The following PTPRN2 variants were observed in gnomAD, a reference collection of about 807,000 sequenced individuals.
PTPRN2 encodes the protein receptor-type tyrosine-protein phosphatase N2.
Under a neutral mutation model 118.8 loss-of-function variants are expected in PTPRN2, and 74 were observed. That is an observed-to-expected ratio of 0.62 (90% CI 0.52 to 0.76). The LOEUF (loss-of-function observed/expected upper bound fraction) is 0.76, where lower values mean the gene tolerates loss of function less well. Among genes scored for constraint, PTPRN2 ranks in the 30% least tolerant of loss-of-function variants. The pLI, the probability that PTPRN2 is intolerant of heterozygous loss-of-function variation, is 0.00. For missense variants in PTPRN2, 1,481 were observed against 1,394.4 expected, an observed-to-expected ratio of 1.06 and a Z score of -0.99; for synonymous variants, 641 against 608.0, an observed-to-expected ratio of 1.05 and a Z score of -0.80.
chr7:158,395,126 C>G (rs1169810623), intron 2 of PTPRN2, among the ~76,000 whole-genome samples: 1 of 152,046 alleles, frequency 6.6e-6, no homozygotes, highest in Non-Finnish European at 1.5e-5. Context: ...GCGTTTTCGC[C>G]TGGGTGGTCT....
At chr7:158,350,746 A>G (rs1807862013) in intron 2 of PTPRN2, among the ~76,000 whole-genome samples, 1 of 152,148 alleles carries the variant, frequency 6.6e-6, no homozygotes, top group South Asian at 2.1e-4. Context: ...CGGCCAGGCC[A>G]GTGCCTCGCC....
intron 2 of PTPRN2, among the ~76,000 whole-genome samples, chr7:158,377,038 C>T (rs970017388): frequency 1.6e-5 from 2 of 128,160 alleles, no homozygotes; most frequent in Non-Finnish European, 3.3e-5. Flanking sequence ...GGGGACTCCC[C>T]CACAGCCCTG....
At chr7:158,246,648 G>A (rs1430063510) in intron 3 of PTPRN2, among the ~76,000 whole-genome samples, 5 of 151,894 alleles carry the variant, frequency 3.3e-5, no homozygotes, top group Non-Finnish European at 7.4e-5. Context: ...TGCAGAAAGT[G>A]ACTGCAACCA....
intron 2 of PTPRN2, among the ~76,000 whole-genome samples, chr7:158,377,364 T>C (rs966867545): frequency 4.6e-5 from 7 of 152,214 alleles, no homozygotes; most frequent in African/African-American, 1.4e-4. Context: ...AAAATCTCCA[T>C]GTGTTATGGA....
chr7:157,987,725 G>A lies in PTPRN2; in HGVS notation c.1724-88988C>T, dbSNP rs1175933569. On this transcript the variant is annotated intron_variant, in intron 11 of 22. Transcript: ENST00000389418. The surrounding 1 kb of genome is among the most constrained non-coding windows in gnomAD (Gnocchi z 4.3). The stretch of plus-strand genomic sequence containing the variant: ...AGATGGGGCAGTTATTATGCAGTGT[G>A]GGATCCACAGTTACAGAGCGGATGG... Among the ~76,000 whole-genome samples the A allele has an allele frequency of 6.6e-6, 1 of 152,146 alleles. No homozygotes were observed. The highest frequency in any genetic ancestry group is 1.9e-4 in the East Asian group (1 of 5,196).
intron 12 of PTPRN2, among the ~76,000 whole-genome samples, chr7:157,683,422 G>A (rs1374088694): frequency 6.6e-6 from 1 of 152,172 alleles, no homozygotes; most frequent in African/African-American, 2.4e-5. Context: ...ACAAAGGAAC[G>A]TGGGACTGGC....
intron 1 of PTPRN2, among the ~76,000 whole-genome samples, chr7:158,507,314 T>C (rs987642185): frequency 5.3e-5 from 8 of 151,398 alleles, no homozygotes. Context: ...GTGAGGACCA[T>C]CCAGGGGATA....
rs1356419892 is a variant in PTPRN2 at position 157,610,656 on chromosome 7, G to T, written c.2345-6581C>A. On this transcript the variant is annotated intron_variant, in intron 15 of 22. Coordinates refer to ENST00000389418, the MANE Select transcript of PTPRN2 (RefSeq NM_002847.5). The surrounding 1 kb of genome is among the most constrained non-coding windows in gnomAD (Gnocchi z 5.1). ...AGGCCTTTGAACTTGTCATAGTTGA[G>T]GCAAAGGAATAAATGATCGGACCAC... 1.3e-5 allele frequency among the ~76,000 whole-genome samples: 2 copies of T among 152,202 alleles called. No individual in the cohort carries two copies. The highest frequency in any genetic ancestry group is 4.8e-5 in the African/African-American group (2 of 41,436).
At chr7:157,855,807 T>C (rs1383188447) in intron 12 of PTPRN2, 2 of 152,330 alleles carry the variant, frequency 1.3e-5, no homozygotes, top group Middle Eastern at 3.4e-3. Flanking sequence ...ACTAACGCCC[T>C]CTATGATTTA....
At chr7:158,127,391 C>A (rs573725309) in intron 9 of PTPRN2, among the ~76,000 whole-genome samples, 2 of 152,230 alleles carry the variant, frequency 1.3e-5, no homozygotes, top group East Asian at 3.9e-4. Flanking sequence ...CATCTCTCCA[C>A]AGTCCAGGAG....
At chr7:158,084,605 G>A (rs1431922630) in intron 10 of PTPRN2, among the ~76,000 whole-genome samples, 5 of 151,842 alleles carry the variant, frequency 3.3e-5, no homozygotes, top group Middle Eastern at 3.4e-3. Flanking sequence ...TACAGCTCTC[G>A]GGGAGAAAAC....
chr7:157,860,041 G>C (rs1409268888), intron 12 of PTPRN2, among the ~76,000 whole-genome samples: 1 of 152,226 alleles, frequency 6.6e-6, no homozygotes, highest in African/African-American at 2.4e-5. Flanking sequence ...CTCCTGCAGG[G>C]AGAGCCCCCA....
At chr7:157,978,526 TAAAGCTACAGCATTTGTGA>T (rs1802913188) in intron 11 of PTPRN2, among the ~76,000 whole-genome samples, 1 of 151,994 alleles carries the variant, frequency 6.6e-6, no homozygotes, top group Non-Finnish European at 1.5e-5. Flanking sequence ...CATTCACACC[TAAAGCTACAGCATTTGTGA>T]AAATAATGAA....
Position 157,817,823 on chromosome 7 carries a change from GGT to G in PTPRN2, c.1788+80848_1788+80849del, listed in dbSNP as rs924262752. The stretch of plus-strand genomic sequence containing the variant: ...CATGTCTGTGTATGTGTGCATGTTT[GGT>G]GTGTGTGTGTAGCGTATGTGTGTGG... On this transcript the variant is annotated intron_variant, in intron 12 of 22. Transcript: ENST00000389418. Among the ~76,000 whole-genome samples the G allele has an allele frequency of 1.2e-4, 19 of 152,132 alleles. 1 individual carries two copies. The highest frequency in any genetic ancestry group is 1.0e-3 in the Admixed American group (16 of 15,252).
chr7:158,379,466 A>G (rs1302983551), intron 2 of PTPRN2, among the ~76,000 whole-genome samples: 5 of 152,210 alleles, frequency 3.3e-5, no homozygotes, highest in African/African-American at 1.2e-4. Context: ...ATCCTCAGAA[A>G]CTGCAGCCAA....
At chr7:158,321,954 G>A (rs1803055750) in intron 2 of PTPRN2, among the ~76,000 whole-genome samples, 1 of 152,184 alleles carries the variant, frequency 6.6e-6, no homozygotes, top group Non-Finnish European at 1.5e-5. Context: ...AACAGACACT[G>A]CCCGTGCCTC....
intron 3 of PTPRN2, among the ~76,000 whole-genome samples, chr7:158,267,311 C>A (rs1019053999): frequency 5.0e-5 from 7 of 141,306 alleles, no homozygotes; most frequent in Non-Finnish European, 9.6e-5. Context: ...CTGGTTCCCG[C>A]GGGGAACCCC....
chr7:157,771,463 A>G (rs1802797782), intron 12 of PTPRN2, among the ~76,000 whole-genome samples: 1 of 152,160 alleles, frequency 6.6e-6, no homozygotes, highest in Non-Finnish European at 1.5e-5. Context: ...GCTGACACTG[A>G]CACCTCTTTG....
chr7:157,775,776 GCA>G (rs1803172408), intron 12 of PTPRN2, among the ~76,000 whole-genome samples: 1 of 152,106 alleles, frequency 6.6e-6, no homozygotes, highest in Non-Finnish European at 1.5e-5. Context: ...GGTGTCCCCC[GCA>G]GGCCTGCAGG....
Sources: allele counts gnomAD v4.1 joint callset (sites outside exome capture counted in the v4.1 genomes callset), GRCh38; gene constraint gnomAD v4.1.1; non-coding constraint Gnocchi (gnomAD v3.1); transcripts MANE v1.5; gene names NCBI Gene and HGNC (gene_info 2026-07-23, HGNC 2026-07-21).